The following MAP4K3 variants were observed in gnomAD, a reference collection of about 807,000 sequenced individuals.
MAP4K3 encodes MAPK/ERK kinase kinase kinase 3.
MAP4K3 carries 94 observed loss-of-function variants against 143.5 expected under a neutral mutation model. That is an observed-to-expected ratio of 0.65 (90% confidence interval 0.55 to 0.78). The LOEUF (loss-of-function observed/expected upper bound fraction) is 0.78, where lower values mean the gene tolerates loss of function less well. Among genes scored for constraint, MAP4K3 ranks in the 30% least tolerant of loss-of-function variants. The pLI, the probability that MAP4K3 is intolerant of heterozygous loss-of-function variation, is 0.00. For synonymous variants in MAP4K3, 416 were observed against 347.2 expected (o/e 1.20, Z -2.20); for missense variants, 1,077 against 1,068.1 (o/e 1.01, Z -0.12).
intron 2 of MAP4K3, among the ~76,000 whole-genome samples, chr2:39,363,214 A>C (rs1252815834): frequency 6.6e-6 from 1 of 152,232 alleles, no homozygotes; most frequent in Non-Finnish European, 1.5e-5. Context: ...GACAACTGAA[A>C]TTCCACCACT....
At chr2:39,370,004 A>G (rs1407167920) in intron 2 of MAP4K3, among the ~76,000 whole-genome samples, 2 of 152,256 alleles carry the variant, frequency 1.3e-5, no homozygotes, top group African/African-American at 4.8e-5. Context: ...ATAACAAGTT[A>G]CTGGAAGGCA....
At chr2:39,259,713 T>C (rs1028438564) in intron 29 of MAP4K3, among the ~76,000 whole-genome samples, 1 of 152,172 alleles carries the variant, frequency 6.6e-6, no homozygotes, top group African/African-American at 2.4e-5. Flanking sequence ...ACATATAAAA[T>C]GAAAAGTATT....
At chr2:39,391,378 A>AAAAAAAAG (rs1553423384) in intron 1 of MAP4K3, among the ~76,000 whole-genome samples, 44 of 146,878 alleles carry the variant, frequency 3.0e-4, no homozygotes, top group South Asian at 6.4e-4. Context: ...AAAAAAAAAA[A>AAAAAAAAG]AAAGAAAGAA....
rs142684117 is a variant in MAP4K3 at position 39,252,897 on chromosome 2, C to T, written c.2542-1012G>A. Among the ~76,000 whole-genome samples, 233 of 152,274 alleles carry T rather than the reference C, an allele frequency of 1.5e-3. 2 individuals are homozygous for T. The highest frequency in any genetic ancestry group is 5.0e-3 in the African/African-American group (206 of 41,546). The stretch of plus-strand genomic sequence containing the variant: ...TTTGGGGTTTGCCTACTAGAAGAAG[C>T]TAACATTTTTGGAGGTGTGTATTGA... On this transcript the variant is annotated intron_variant, in intron 32 of 33. Transcript: ENST00000263881.
intron 1 of MAP4K3, among the ~76,000 whole-genome samples, chr2:39,381,084 G>A (rs79021640): frequency 1.6e-3 from 246 of 152,238 alleles, no homozygotes; most frequent in African/African-American, 5.6e-3. Flanking sequence ...GGTCCTTTGT[G>A]ACTCTGGTTT....
chr2:39,299,724 T>C lies in MAP4K3; in HGVS notation c.1178+19A>G. 6.8e-7 allele frequency: 1 copy of C among 1,464,068 alleles called. No individual in the cohort carries two copies. Among genetic ancestry groups the C allele is most frequent in the Non-Finnish European group, 9.2e-7 (1 of 1,082,704 alleles). 90.7% of individuals were successfully genotyped at this position (1,464,068 alleles called of 1,614,324 possible). A position where few individuals can be genotyped will look rare whatever the true frequency, so the allele number is the denominator to read the frequency against. ...ATAATTCTTGAATTTAAATTAAGTTTTAAAAGAACTTTACTTACTTGTTTG... is the reference window on the plus strand; with the variant it reads ...ATAATTCTTGAATTTAAATTAAGTTCTAAAAGAACTTTACTTACTTGTTTG... On this transcript the variant is annotated intron_variant, in intron 16 of 33. Coordinates refer to ENST00000263881, the MANE Select transcript of MAP4K3 (RefSeq NM_003618.4).
At chr2:39,423,744 G>A (rs1449224579) in intron 1 of MAP4K3, among the ~76,000 whole-genome samples, 1 of 152,148 alleles carries the variant, frequency 6.6e-6, no homozygotes, top group Non-Finnish European at 1.5e-5. Flanking sequence ...AAAGATCAGT[G>A]GCTGCCTGGA....
intron 3 of MAP4K3, among the ~76,000 whole-genome samples, chr2:39,353,523 C>A (rs753279349): frequency 6.6e-6 from 1 of 152,080 alleles, no homozygotes; most frequent in Non-Finnish European, 1.5e-5. Context: ...CTACTTTTGT[C>A]TGTTTTACTT....
At position 39,356,266 on chromosome 2, in the gene MAP4K3, A is replaced by G. The variant is rs781033997; in HGVS notation, c.228T>C (p.Tyr76=). The G allele has an allele frequency of 6.3e-7, 1 of 1,597,530 alleles. No individual in the cohort carries two copies. Among genetic ancestry groups the G allele is most frequent in the Admixed American group, 1.7e-5 (1 of 57,826 alleles). The part of the protein sequence containing the change: ...KDCKHPNIVA[Y]FGSYLRRDKL... ...CAGTATACCTGAGATAGCTTCCAAA[A>G]TAAGCAACAATATTTGGGTGTTTAC... Residue 76 remains tyrosine (Y), a synonymous_variant, in exon 3 of 34, where the codon TAT becomes TAC. Transcript: ENST00000263881.
Position 39,398,755 on chromosome 2 carries a change from T to TA in MAP4K3, c.97-20633dup, listed in dbSNP as rs1332058208. ...ATAATAATAATAATAATGATGATGA[T>TA]AATAATTGGCCAGGCATTGGCTCAT... On this transcript the variant is annotated intron_variant, in intron 1 of 33. Coordinates refer to ENST00000263881, the MANE Select transcript of MAP4K3 (RefSeq NM_003618.4). Among the ~76,000 whole-genome samples the TA allele has an allele frequency of 1.7e-3, 247 of 149,110 alleles. 5 individuals carry two copies. The East Asian group carries it at 0.024, about 15-fold the overall frequency.
At chr2:39,322,636 AAATACACATATATAT>A (rs1683348966) in intron 12 of MAP4K3, among the ~76,000 whole-genome samples, 4 of 150,388 alleles carry the variant, frequency 2.7e-5, no homozygotes, top group African/African-American at 9.7e-5. Flanking sequence ...ATATATAGAT[AAATACACATATATAT>A]ATATTTTTCT....
At chr2:39,368,998 A>ACCC (rs1318630663) in intron 2 of MAP4K3, among the ~76,000 whole-genome samples, 1 of 151,900 alleles carries the variant, frequency 6.6e-6, no homozygotes, top group Non-Finnish European at 1.5e-5. Context: ...TCATGCAGTC[A>ACCC]CCCCTTCCTT....
chr2:39,321,696 AACCCGATTGT>A (rs1221348241), intron 12 of MAP4K3, among the ~76,000 whole-genome samples: 1 of 152,210 alleles, frequency 6.6e-6, no homozygotes, highest in Non-Finnish European at 1.5e-5. Context: ...CTCAGTATAA[AACCCGATTGT>A]ACATTCCATC....
At chr2:39,368,134 T>A (rs896871907) in intron 2 of MAP4K3, among the ~76,000 whole-genome samples, 4 of 152,112 alleles carry the variant, frequency 2.6e-5, no homozygotes, top group African/African-American at 9.7e-5. Context: ...AGGACTGAAT[T>A]TCTAGTGAAA....
At chr2:39,273,508 G>C (rs1414094673) in intron 24 of MAP4K3, among the ~76,000 whole-genome samples, 2 of 143,606 alleles carry the variant, frequency 1.4e-5, no homozygotes, top group Non-Finnish European at 3.1e-5. Flanking sequence ...AAAACTAATT[G>C]AGATGAGAGA....
rs776924023 is a variant in MAP4K3 at position 39,265,170 on chromosome 2, G to T, written c.2136+33C>A. 3.7e-6 allele frequency: 5 copies of T among 1,335,266 alleles called. No individual in the cohort carries two copies. The African/African-American group carries it at 5.8e-5, about 16-fold the overall frequency. The allele number at this position is 1,335,266 out of a possible 1,614,324, so 82.7% of individuals were successfully genotyped here. ...ACAGTAAGGTTGACAAGCTTTTATA[G>T]TAAGAATAAGATAGTCTGACTTTTA... On this transcript the variant is annotated intron_variant, in intron 28 of 33. Coordinates refer to ENST00000263881, the MANE Select transcript of MAP4K3 (RefSeq NM_003618.4).
chr2:39,373,326 A>G (rs757898086), intron 2 of MAP4K3, among the ~76,000 whole-genome samples: 6 of 152,214 alleles, frequency 3.9e-5, no homozygotes, highest in Non-Finnish European at 7.3e-5. Context: ...GAACCCTCCT[A>G]CACTGTCAGT....
intron 1 of MAP4K3, among the ~76,000 whole-genome samples, chr2:39,436,033 G>A (rs187789870): frequency 6.6e-5 from 10 of 152,330 alleles, no homozygotes; most frequent in African/African-American, 2.4e-4. Context: ...TTACCAGTAA[G>A]AAGATACACA....
intron 18 of MAP4K3, among the ~76,000 whole-genome samples, chr2:39,290,902 C>A (rs560964350): frequency 1.3e-5 from 2 of 152,118 alleles, no homozygotes. Flanking sequence ...CATGGTGAAA[C>A]ACCATCTCTA....
Sources: allele counts gnomAD v4.1 joint callset (sites outside exome capture counted in the v4.1 genomes callset), GRCh38; gene constraint gnomAD v4.1.1; transcripts MANE v1.5; gene names NCBI Gene and HGNC (gene_info 2026-07-23, HGNC 2026-07-21).